Variants in SELENOI observed in about 807,000 individuals in gnomAD.
SELENOI encodes ethanolaminephosphotransferase 1.
Under a neutral mutation model 50.7 loss-of-function variants are expected in SELENOI, and 24 were observed. The ratio of observed to expected loss-of-function variants is 0.47; its 90% CI spans 0.34 to 0.67. The LOEUF is 0.67. Among genes scored for constraint, SELENOI ranks in the 30% least tolerant of loss-of-function variants. The pLI is 0.01. For missense variants in SELENOI, 352 were observed against 461.4 expected, an observed-to-expected ratio of 0.76 and a Z score of 2.17; for synonymous variants, 155 against 170.2, an observed-to-expected ratio of 0.91 and a Z score of 0.70.
rs1475810018 is a variant in SELENOI, at chr2:26,386,346, A to G, written c.913-8A>G. 1 of 1,591,026 alleles carries G rather than the reference A, an allele frequency of 6.3e-7. No individual in the cohort carries two copies. The highest frequency in any genetic ancestry group is 8.5e-7 in the Non-Finnish European group (1 of 1,173,466). ...TTTTCTCTCTTATTTTTTTAAATTGACGTCCAGTGTCAGCTGATTGTTTGC... is the reference window on the plus strand; with the variant it reads ...TTTTCTCTCTTATTTTTTTAAATTGGCGTCCAGTGTCAGCTGATTGTTTGC... On this transcript the variant is annotated splice_polypyrimidine_tract_variant and splice_region_variant and intron_variant, in intron 8 of 9. Coordinates refer to ENST00000260585, the MANE Select transcript of SELENOI (RefSeq NM_033505.4).
chr2:26,360,587 C>T (rs868290100), intron 1 of SELENOI, among the ~76,000 whole-genome samples: 1 of 152,182 alleles, frequency 6.6e-6, no homozygotes, highest in Admixed American at 6.5e-5. Flanking sequence ...TTACTTTGTG[C>T]ACTATATTAG....
intron 1 of SELENOI, among the ~76,000 whole-genome samples, chr2:26,359,209 C>G (rs1352321630): frequency 2.6e-5 from 4 of 152,128 alleles, no homozygotes; most frequent in Non-Finnish European, 5.9e-5. Flanking sequence ...AAAAAGCTCT[C>G]CAACCCCTGG....
intron 6 of SELENOI, among the ~76,000 whole-genome samples, chr2:26,381,575 A>G (rs1028627151): frequency 1.1e-4 from 16 of 152,168 alleles, no homozygotes; most frequent in African/African-American, 3.9e-4. Context: ...GTCTCAGCCT[A>G]TTTCCAACAC....
chr2:26,354,669 A>C (rs986527240), intron 1 of SELENOI, among the ~76,000 whole-genome samples: 2 of 151,372 alleles, frequency 1.3e-5, no homozygotes, highest in African/African-American at 4.8e-5. Context: ...GGGATTACAG[A>C]TGTGAGCCAC....
chr2:26,373,549 T>C lies in SELENOI; in HGVS notation c.493T>C (p.Phe165Leu). Reference sequence around the variant, plus strand: ...TTATCTCCTGCTATGGGTAGTTTTGTTTTCTTTCATCCTGTCCCACTGGGA... The same window carrying C: ...TTATCTCCTGCTATGGGTAGTTTTGCTTTCTTTCATCCTGTCCCACTGGGA... ...VLYLLLWVVL[F>L]SFILSHWEKY... Residue 165 changes from phenylalanine (F) to leucine (L), a missense_variant, in exon 5 of 10, where the codon TTT becomes CTT. Physicochemically the swap from Phe to Leu is conservative, Grantham distance 22. Transcript: ENST00000260585. 2 of 1,614,000 alleles carry C rather than the reference T, an allele frequency of 1.2e-6. No homozygotes were observed. The highest frequency in any genetic ancestry group is 1.7e-6 in the Non-Finnish European group (2 of 1,179,890).
chr2:26,371,743 T>G (rs1007761118), intron 4 of SELENOI, among the ~76,000 whole-genome samples: 2 of 152,074 alleles, frequency 1.3e-5, no homozygotes, highest in African/African-American at 4.8e-5. Flanking sequence ...CGCCTGCAAT[T>G]GCAGGCACTC....
rs114169161 is a variant in SELENOI, at chr2:26,377,804, G to A, written c.682+2656G>A. ...GTCTGTCTACTGAGTCCAACATCTG[G>A]GCCCACTTAAGAGTCATTTTCTGTT... is the stretch of plus-strand genomic sequence containing the variant. On this transcript the variant is annotated intron_variant, in intron 6 of 9. Coordinates refer to ENST00000260585, the MANE Select transcript of SELENOI (RefSeq NM_033505.4). Among the ~76,000 whole-genome samples, 474 of 151,792 alleles carry A rather than the reference G, an allele frequency of 3.1e-3. 4 individuals carry two copies. Among genetic ancestry groups the A allele is most frequent in the African/African-American group, 0.011 (456 of 41,374 alleles).
intron 1 of SELENOI, among the ~76,000 whole-genome samples, chr2:26,354,291 G>A (rs1328351297): frequency 6.6e-6 from 1 of 152,090 alleles, no homozygotes; most frequent in Non-Finnish European, 1.5e-5. Flanking sequence ...CAGGCAATCA[G>A]TCTGGAGTCC....
At chr2:26,360,447 C>T (rs1458769367) in intron 1 of SELENOI, among the ~76,000 whole-genome samples, 2 of 152,216 alleles carry the variant, frequency 1.3e-5, no homozygotes, top group Non-Finnish European at 2.9e-5. Flanking sequence ...GTTAAAGCTT[C>T]AGAATTTTAA....
chr2:26,355,998 T>A (rs747825431), intron 1 of SELENOI, among the ~76,000 whole-genome samples: 4 of 152,196 alleles, frequency 2.6e-5, no homozygotes, highest in Non-Finnish European at 5.9e-5. Flanking sequence ...TATCTCAGCC[T>A]CCCAAAGTGC....
rs1677937820 is a variant in SELENOI at position 26,390,398 on chromosome 2, T to G, written c.*1295T>G. 1 of 152,584 alleles carries G rather than the reference T, an allele frequency of 6.6e-6. No individual in the cohort carries two copies. Among genetic ancestry groups the G allele is most frequent in the African/African-American group, 2.4e-5 (1 of 41,426 alleles). 9.5% of individuals were successfully genotyped at this position (152,584 alleles called of 1,614,324 possible). A position where few individuals can be genotyped will look rare whatever the true frequency, so the allele number is the denominator to read the frequency against. ...TTGTGCTTGAATGAAGAGTGTATCTTAAACCCCCTTTTTTTGGACAGGCTG... is the reference window on the plus strand; with the variant it reads ...TTGTGCTTGAATGAAGAGTGTATCTGAAACCCCCTTTTTTTGGACAGGCTG... On this transcript the variant is annotated 3_prime_UTR_variant, in exon 10 of 10. Transcript: ENST00000260585.
At chr2:26,350,192 T>C (rs986090004) in intron 1 of SELENOI, among the ~76,000 whole-genome samples, 3 of 38,392 alleles carry the variant, frequency 7.8e-5, no homozygotes, top group African/African-American at 8.7e-5. Context: ...TTAACTTGGC[T>C]CTCAACAACA....
intron 9 of SELENOI, among the ~76,000 whole-genome samples, chr2:26,388,375 G>C (rs565774826): frequency 6.6e-6 from 1 of 152,074 alleles, no homozygotes; most frequent in Non-Finnish European, 1.5e-5. Flanking sequence ...TAAATAACAC[G>C]CTAACTGGAA....
chr2:26,383,517 A>G (rs1677753573), intron 7 of SELENOI, among the ~76,000 whole-genome samples, 170 bp downstream of exon 7: 1 of 152,146 alleles, frequency 6.6e-6, no homozygotes, highest in Non-Finnish European at 1.5e-5. Context: ...GATGGTGGCT[A>G]ATGTAGTCAT....
chr2:26,356,621 T>TA (rs1017376051), intron 1 of SELENOI, among the ~76,000 whole-genome samples: 2 of 152,216 alleles, frequency 1.3e-5, no homozygotes, highest in Non-Finnish European at 2.9e-5. Flanking sequence ...GCTCCTAGAC[T>TA]AAACCCATAA....
intron 6 of SELENOI, among the ~76,000 whole-genome samples, chr2:26,376,266 A>G (rs964195770): frequency 2.0e-5 from 3 of 152,114 alleles, no homozygotes; most frequent in African/African-American, 7.2e-5. Context: ...GACTGTGCAT[A>G]TTTTAGGAAC....
At chr2:26,375,493 A>C (rs1245498764) in intron 6 of SELENOI, among the ~76,000 whole-genome samples, 7 of 152,258 alleles carry the variant, frequency 4.6e-5, no homozygotes, top group African/African-American at 1.4e-4. Context: ...ACTAGTTTGT[A>C]TGAAATACAG....
At position 26,361,925 on chromosome 2, in the gene SELENOI, T is replaced by C. The variant is rs143930265; in HGVS notation, c.58-2377T>C. Among the ~76,000 whole-genome samples, 809 of 152,254 alleles carry C rather than the reference T, an allele frequency of 5.3e-3. 35 individuals are homozygous for C. In the South Asian group the frequency reaches 0.082, roughly 15 times the overall value. Reference sequence around the variant, plus strand: ...CGCCCGCCTCGGCCTCCCAAAGTGCTGGAATTATAGGCGTGAGCCACGCAC... The same window carrying C: ...CGCCCGCCTCGGCCTCCCAAAGTGCCGGAATTATAGGCGTGAGCCACGCAC... On this transcript the variant is annotated intron_variant, in intron 1 of 9. Coordinates refer to ENST00000260585, the MANE Select transcript of SELENOI (RefSeq NM_033505.4).
chr2:26,372,111 C>T (rs890121020), intron 4 of SELENOI, among the ~76,000 whole-genome samples: 2 of 151,766 alleles, frequency 1.3e-5, no homozygotes, highest in African/African-American at 4.8e-5. Context: ...TGTTTTGTTC[C>T]TTTCTCTTTT....
Sources: gnomAD v4.1 joint callset for allele counts (sites outside exome capture counted in the v4.1 genomes callset) on GRCh38, gnomAD v4.1.1 for gene constraint, MANE v1.5 for transcripts, NCBI Gene and HGNC (gene_info 2026-07-23, HGNC 2026-07-21) for gene names.